AMZ1: variants seen among roughly 807,000 people sequenced by gnomAD.
The protein encoded by AMZ1 is archaelysin family metallopeptidase 1.
A neutral mutation model predicts 29.9 loss-of-function variants in AMZ1; 39 were observed. The ratio of observed to expected loss-of-function variants is 1.30; its 90% confidence interval spans 1.01 to 1.70. The LOEUF (loss-of-function observed/expected upper bound fraction) is 1.70. Ranked by LOEUF, AMZ1 falls within the 40% of genes most tolerant of loss-of-function variation. AMZ1 has a pLI of 0.00. For synonymous variants in AMZ1, 458 were observed against 304.0 expected (o/e 1.51, Z -5.27); for missense variants, 1,041 against 680.6 (o/e 1.53, Z -5.89).
upstream of AMZ1, among the ~76,000 whole-genome samples, chr7:2,761,064 G>T (rs900997047): frequency 6.6e-6 from 1 of 152,216 alleles, no homozygotes; most frequent in African/African-American, 2.4e-5. Flanking sequence ...ACGGAGTCAG[G>T]AACGTAGCAC....
chr7:2,701,030 C>T (rs985186411), intron 2 of AMZ1, among the ~76,000 whole-genome samples: 1 of 152,194 alleles, frequency 6.6e-6, no homozygotes, highest in Non-Finnish European at 1.5e-5. Flanking sequence ...CCTGGCTACG[C>T]CTGTTGAAAC....
downstream of AMZ1, among the ~76,000 whole-genome samples, chr7:2,720,016 G>A (rs978777427): frequency 6.6e-6 from 1 of 152,224 alleles, no homozygotes; most frequent in Non-Finnish European, 1.5e-5. Context: ...TAAACGAAGA[G>A]GATGAAATTC....
intron 1 of AMZ1, among the ~76,000 whole-genome samples, chr7:2,695,122 C>G (rs917223135): frequency 2.0e-5 from 3 of 152,214 alleles, no homozygotes; most frequent in African/African-American, 7.2e-5. Context: ...TGCTCAGCCT[C>G]TGGCCCCGCT....
intron 1 of AMZ1, among the ~76,000 whole-genome samples, chr7:2,688,925 G>C (rs1409051912): frequency 6.6e-6 from 1 of 152,258 alleles, no homozygotes; most frequent in East Asian, 1.9e-4. Flanking sequence ...GGGGAGGGCA[G>C]GGACCTGGGT....
chr7:2,741,606 T>C (rs534777766), intron 4 of AMZ1, among the ~76,000 whole-genome samples: 21 of 152,278 alleles, frequency 1.4e-4, no homozygotes, highest in South Asian at 1.2e-3. Flanking sequence ...GTTGCAAGAA[T>C]AGTACAAAGA....
chr7:2,736,640 G>A lies in AMZ1; in HGVS notation n.550+26824G>A, dbSNP rs527605559. On this transcript the variant is annotated intron_variant and non_coding_transcript_variant, in intron 4 of 4. Coordinates refer to the AMZ1 transcript ENST00000489665. ...CGTGACACTGGGCAGGACCTAGGCC[G>A]ACACACGCCCATGAGGAGACCGCCT... Among the ~76,000 whole-genome samples, 62 of 152,310 alleles carry A rather than the reference G, an allele frequency of 4.1e-4. 2 individuals carry two copies. The South Asian group carries it at 6.6e-3, about 16-fold the overall frequency.
At chr7:2,700,792 G>C in intron 2 of AMZ1, 37 bp downstream of exon 2, 1 of 1,600,008 alleles carries the variant, frequency 6.2e-7, no homozygotes, top group Non-Finnish European at 8.5e-7. Flanking sequence ...CGCTCCTGGG[G>C]GACCAGCTTA....
chr7:2,700,384 C>G lies in AMZ1; in HGVS notation c.-68C>G. 2 of 1,530,812 alleles carry G rather than the reference C, an allele frequency of 1.3e-6. No homozygotes were observed. Among genetic ancestry groups the G allele is most frequent in the Non-Finnish European group, 1.8e-6 (2 of 1,139,400 alleles). The allele number at this position is 1,530,812 out of a possible 1,614,324, so 94.8% of individuals were successfully genotyped here. Reference sequence around the variant, plus strand: ...GGGAAGATTCTGGACGAGACCGTGGCCGTCCCCCGGGTGGCCCATGGACAG... The same window carrying G: ...GGGAAGATTCTGGACGAGACCGTGGGCGTCCCCCGGGTGGCCCATGGACAG... On this transcript the variant is annotated 5_prime_UTR_variant, in exon 2 of 7. Transcript: ENST00000683327.
At chr7:2,708,856 G>T in intron 4 of AMZ1, 140 bp downstream of exon 4, 2 of 1,370,960 alleles carry the variant, frequency 1.5e-6, no homozygotes, top group Non-Finnish European at 2.0e-6. Context: ...GGAATAGATG[G>T]CCCCTTCCAG....
At chr7:2,728,562 T>C (rs1455364596) in intron 4 of AMZ1, 1 of 152,562 alleles carries the variant, frequency 6.6e-6, no homozygotes, top group African/African-American at 2.4e-5. Context: ...ACAGATCTTA[T>C]TTTGAGGAAC....
At chr7:2,680,002 G>A (rs1786826835) in intron 1 of AMZ1, among the ~76,000 whole-genome samples, 1 of 152,190 alleles carries the variant, frequency 6.6e-6, no homozygotes. Flanking sequence ...GCTGAGGGAC[G>A]CAGCTCACAG....
chr7:2,752,690 A>G (rs891681651), intron 4 of AMZ1, among the ~76,000 whole-genome samples: 1 of 152,224 alleles, frequency 6.6e-6, no homozygotes, highest in Non-Finnish European at 1.5e-5. Context: ...TGTAAAAGCA[A>G]TTCCGTTTTT....
chr7:2,695,429 AT>A (rs1182347789), intron 1 of AMZ1, among the ~76,000 whole-genome samples: 2 of 151,938 alleles, frequency 1.3e-5, no homozygotes, highest in African/African-American at 2.4e-5. Context: ...GAAAATCTGC[AT>A]GTTCAGGCCC....
upstream of AMZ1, among the ~76,000 whole-genome samples, chr7:2,683,261 C>T (rs1045463688): frequency 1.3e-5 from 2 of 152,196 alleles, no homozygotes; most frequent in Non-Finnish European, 2.9e-5. Context: ...GGTCTGAAGT[C>T]AAGGCTGGGG....
chr7:2,709,261 G>C lies in AMZ1; in HGVS notation c.771+17G>C. 1 of 1,487,762 alleles carries C rather than the reference G, an allele frequency of 6.7e-7. No individual in the cohort carries two copies. Among genetic ancestry groups the C allele is most frequent in the Non-Finnish European group, 8.9e-7 (1 of 1,123,642 alleles). The allele number at this position is 1,487,762 out of a possible 1,614,324, so 92.2% of individuals were successfully genotyped here. On this transcript the variant is annotated intron_variant, in intron 5 of 6. Coordinates refer to ENST00000683327, the MANE Select transcript of AMZ1 (RefSeq NM_001384743.1). Reference sequence around the variant, plus strand: ...TGCTGCAAGGTGGGTGGGGGCTCTGGGGCTGGTAAGAGGGGACAGGAGGGT... The same window carrying C: ...TGCTGCAAGGTGGGTGGGGGCTCTGCGGCTGGTAAGAGGGGACAGGAGGGT...
At position 2,719,327 on chromosome 7, in the gene AMZ1, G is replaced by A. The variant is rs1450509389; in HGVS notation, c.*6449G>A. Among the ~76,000 whole-genome samples the A allele has an allele frequency of 6.6e-6, 1 of 152,182 alleles. No individual in the cohort carries two copies. Among genetic ancestry groups the A allele is most frequent in the African/African-American group, 2.4e-5 (1 of 41,436 alleles). ...GATGGCATAACCTGATGTCTGTCAC[G>A]GACCCCCAAGCAGGAGCAATGCCTA... On this transcript the variant is annotated 3_prime_UTR_variant, in exon 7 of 7. Transcript: ENST00000683327.
At position 2,714,075 on chromosome 7, in the gene AMZ1, T is replaced by C. The variant is rs574371478; in HGVS notation, c.*1197T>C. 2 of 152,202 alleles carry C rather than the reference T, an allele frequency of 1.3e-5. No individual in the cohort carries two copies. Among genetic ancestry groups the C allele is most frequent in the Non-Finnish European group, 2.9e-5 (2 of 68,048 alleles). 9.4% of individuals were successfully genotyped at this position (152,202 alleles called of 1,614,324 possible). On this transcript the variant is annotated 3_prime_UTR_variant, in exon 7 of 7. Coordinates refer to ENST00000683327, the MANE Select transcript of AMZ1 (RefSeq NM_001384743.1). ...TTGATTGTTGTGTCTTCCTGAGGAA[T>C]TGACCCTTTTATTGTCACACGTACC...
intron 4 of AMZ1, chr7:2,730,882 G>A (rs1789854583): frequency 2.8e-6 from 1 of 354,778 alleles, no homozygotes; most frequent in South Asian, 4.7e-5. Context: ...CAGAAAAAGA[G>A]GAACGTTTCT....
At chr7:2,743,342 C>T (rs146612409) in intron 4 of AMZ1, among the ~76,000 whole-genome samples, 40 of 152,236 alleles carry the variant, frequency 2.6e-4, no homozygotes, top group Middle Eastern at 3.4e-3. Context: ...AGTCTTAAAA[C>T]GACATCCATA....
Sources: allele counts gnomAD v4.1 joint callset (sites outside exome capture counted in the v4.1 genomes callset), GRCh38; gene constraint gnomAD v4.1.1; transcripts MANE v1.5; gene names NCBI Gene and HGNC (gene_info 2026-07-23, HGNC 2026-07-21).